SHISA6: variants seen among roughly 807,000 people sequenced by gnomAD.
SHISA6 encodes the protein protein shisa-6.
SHISA6 carries 22 observed loss-of-function variants against 47.9 expected under a neutral mutation model. The ratio of observed to expected loss-of-function variants is 0.46; its 90% CI spans 0.33 to 0.66. The LOEUF (loss-of-function observed/expected upper bound fraction) is 0.66. SHISA6 is among the 30% of genes least tolerant of loss of function. The probability of loss-of-function intolerance (pLI) is 0.02; values close to 1 mark genes in which losing one functional copy is unlikely to be tolerated. For synonymous variants in SHISA6, 388 were observed against 337.8 expected (o/e 1.15, Z -1.63); for missense variants, 680 against 764.6 (o/e 0.89, Z 1.30).
In SHISA6 at chr17:11,245,409, C is replaced by T. The variant is rs558584042; in HGVS notation, c.638+3349C>T. Among the ~76,000 whole-genome samples, 23 of 152,336 alleles carry T rather than the reference C, an allele frequency of 1.5e-4. No homozygotes were observed. The South Asian group carries it at 4.6e-3, about 30-fold the overall frequency. ...TGCTATTTCCTGACTGACTTCCGCA[C>T]AGCTCCCCTGAGGGGCTTTTTGTTC... On this transcript the variant is annotated intron_variant, in intron 1 of 5. Transcript: ENST00000441885.
chr17:11,258,265 T>A (rs1908091899), intron 1 of SHISA6, among the ~76,000 whole-genome samples: 1 of 152,230 alleles, frequency 6.6e-6, no homozygotes, highest in Admixed American at 6.5e-5. Flanking sequence ...ACTTACTGAA[T>A]AATAGCTGAG....
At chr17:11,287,375 A>T (rs1393667851) in intron 2 of SHISA6, among the ~76,000 whole-genome samples, 1 of 151,982 alleles carries the variant, frequency 6.6e-6, no homozygotes, top group Non-Finnish European at 1.5e-5. Context: ...ATTGTACTTT[A>T]TACAATATTT....
At chr17:11,499,944 C>T (rs1440897551) in intron 3 of SHISA6, among the ~76,000 whole-genome samples, 2 of 152,106 alleles carry the variant, frequency 1.3e-5, no homozygotes, top group South Asian at 2.1e-4. Flanking sequence ...TCAAGTGATC[C>T]ACCTGCCTTG....
intron 3 of SHISA6, among the ~76,000 whole-genome samples, chr17:11,441,873 C>T (rs1015517802): frequency 2.6e-5 from 4 of 152,168 alleles, no homozygotes. Flanking sequence ...AGGGGGCCTT[C>T]TGTGAGCAGT....
chr17:11,355,552 G>A (rs1250205753), intron 2 of SHISA6, among the ~76,000 whole-genome samples: 1 of 152,194 alleles, frequency 6.6e-6, no homozygotes, highest in Non-Finnish European at 1.5e-5. Flanking sequence ...GGAGGTCATA[G>A]CATTTCCAGA....
intron 2 of SHISA6, among the ~76,000 whole-genome samples, chr17:11,328,966 T>C (rs1220360239): frequency 1.3e-5 from 2 of 152,208 alleles, no homozygotes; most frequent in East Asian, 1.9e-4. Context: ...CTTCTGCTGC[T>C]AATAACGATG....
intron 3 of SHISA6, among the ~76,000 whole-genome samples, chr17:11,401,673 T>G (rs571289550): frequency 1.3e-5 from 2 of 152,110 alleles, no homozygotes; most frequent in South Asian, 2.1e-4. Context: ...CAACAAAGAT[T>G]TATTTATTTT....
At chr17:11,378,805 T>C (rs1912904594) in intron 2 of SHISA6, among the ~76,000 whole-genome samples, 1 of 152,204 alleles carries the variant, frequency 6.6e-6, no homozygotes, top group Non-Finnish European at 1.5e-5. Context: ...CACCATTCTA[T>C]TTGTCAGCCT....
chr17:11,556,374 C>A (rs1252708662), intron 5 of SHISA6, among the ~76,000 whole-genome samples: 1 of 152,200 alleles, frequency 6.6e-6, no homozygotes, highest in Non-Finnish European at 1.5e-5. Flanking sequence ...GCATACACCC[C>A]ATTTCACCAG....
chr17:11,468,082 GA>G (rs1179024697), intron 3 of SHISA6, among the ~76,000 whole-genome samples: 1 of 151,912 alleles, frequency 6.6e-6, no homozygotes, highest in East Asian at 1.9e-4. Context: ...CAACTTCAGG[GA>G]GGTGAGTTTA....
At chr17:11,485,503 TC>T (rs1392511454) in intron 3 of SHISA6, among the ~76,000 whole-genome samples, 2 of 152,094 alleles carry the variant, frequency 1.3e-5, no homozygotes, top group African/African-American at 4.8e-5. Flanking sequence ...AAGCCCAGAA[TC>T]CCAGGATATG....
chr17:11,329,495 G>T (rs1911024426), intron 2 of SHISA6, among the ~76,000 whole-genome samples: 1 of 151,940 alleles, frequency 6.6e-6, no homozygotes, highest in African/African-American at 2.4e-5. Flanking sequence ...TTTTGGCCCT[G>T]CCCTTCCCAA....
chr17:11,388,839 T>TA lies in SHISA6; in HGVS notation c.895+9331dup, dbSNP rs1332313989. 4.1e-4 allele frequency among the ~76,000 whole-genome samples: 42 copies of TA among 102,274 alleles called. 1 individual carries two copies. Among genetic ancestry groups the TA allele is most frequent in the African/African-American group, 1.8e-3 (41 of 23,066 alleles). The allele number at this position is 102,274 out of a possible 152,430, so 67.1% of individuals were successfully genotyped here. A position where few individuals can be genotyped will look rare whatever the true frequency, so the allele number is the denominator to read the frequency against. On this transcript the variant is annotated intron_variant, in intron 3 of 5. Transcript: ENST00000441885. The stretch of plus-strand genomic sequence containing the variant: ...ATATATATATATATATATATATATA[T>TA]ATTTTAAAAAAGGTAAAAAAAAAAA...
intron 3 of SHISA6, among the ~76,000 whole-genome samples, chr17:11,442,409 T>C (rs561922647): frequency 2.0e-5 from 3 of 152,148 alleles, no homozygotes; most frequent in Admixed American, 2.0e-4. Flanking sequence ...TGTCACTCCA[T>C]CAGAGCCCTG....
chr17:11,280,780 C>G (rs903907701), intron 2 of SHISA6, among the ~76,000 whole-genome samples: 1 of 152,162 alleles, frequency 6.6e-6, no homozygotes, highest in Non-Finnish European at 1.5e-5. Flanking sequence ...ATAGATCTCC[C>G]CTTTTGAAGC....
chr17:11,356,370 C>G lies in SHISA6; in HGVS notation c.800-23044C>G, dbSNP rs565401912. The stretch of plus-strand genomic sequence containing the variant: ...CTCCAGAGACTCTCCATTGGTCTCT[C>G]TCACTTGCATGAAACCAGGTCCCAG... On this transcript the variant is annotated intron_variant, in intron 2 of 5. Transcript: ENST00000441885. Among the ~76,000 whole-genome samples the G allele has an allele frequency of 2.0e-5, 3 of 152,278 alleles. No individual in the cohort carries two copies. The East Asian group carries it at 5.8e-4, about 29-fold the overall frequency.
At chr17:11,263,250 C>A in intron 1 of SHISA6, 116 bp from the exon 2 acceptor site, 1 of 1,097,632 alleles carries the variant, frequency 9.1e-7, no homozygotes, top group Non-Finnish European at 1.3e-6. Context: ...TGAATGCTGT[C>A]TCTGTCTCTT....
At chr17:11,276,487 C>G (rs1908896432) in intron 2 of SHISA6, among the ~76,000 whole-genome samples, 1 of 152,176 alleles carries the variant, frequency 6.6e-6, no homozygotes, top group Non-Finnish European at 1.5e-5. Context: ...AAGAATGATA[C>G]AGTGAACACC....
intron 3 of SHISA6, among the ~76,000 whole-genome samples, chr17:11,501,450 G>A (rs1395958861): frequency 6.6e-6 from 1 of 152,174 alleles, no homozygotes; most frequent in Non-Finnish European, 1.5e-5. Flanking sequence ...CAAGCAAACA[G>A]ATGCTATTTT....
Sources: allele counts gnomAD v4.1 joint callset (sites outside exome capture counted in the v4.1 genomes callset), GRCh38; gene constraint gnomAD v4.1.1; transcripts MANE v1.5; gene names NCBI Gene and HGNC (gene_info 2026-07-23, HGNC 2026-07-21).